The following FLOT2 variants were observed in gnomAD, a reference collection of about 807,000 sequenced individuals.
FLOT2 encodes flotillin-2.
A neutral mutation model predicts 54.9 loss-of-function variants in FLOT2; 35 were observed. The observed-to-expected ratio is 0.64, with a 90% confidence interval of 0.49 to 0.84. The LOEUF is 0.84. Among genes scored for constraint, FLOT2 ranks in the 40% least tolerant of loss-of-function variants. The pLI is 0.00. For synonymous variants in FLOT2, 207 were observed against 228.9 expected, an observed-to-expected ratio of 0.90 and a Z score of 0.86; for missense variants, 464 against 572.1, an observed-to-expected ratio of 0.81 and a Z score of 1.93.
rs2039450564 is a variant in FLOT2, at chr17:28,881,686, CAGTG to C, written c.914+124_914+127del. The C allele has an allele frequency of 4.9e-5, 41 of 843,998 alleles. 1 individual carries two copies. The South Asian group carries it at 6.2e-4, about 13-fold the overall frequency. 52.3% of individuals were successfully genotyped at this position (843,998 alleles called of 1,614,324 possible). ...GGGACATGGGGTTATCCTCACTTCA[CAGTG>C]AGTAAGAAGACACAGTGGAGGGGGA... On this transcript the variant is annotated intron_variant, in intron 8 of 10. Coordinates refer to ENST00000394908, the MANE Select transcript of FLOT2 (RefSeq NM_004475.3).
chr17:28,883,120 G>A lies in FLOT2; in HGVS notation c.334C>T (p.Arg112Cys). Residue 112 changes from arginine (R) to cysteine (C), a missense_variant, in exon 4 of 11, where the codon CGC (arginine) becomes TGC (cysteine). Arg to Cys is a radical substitution (Grantham distance 180). Coordinates refer to ENST00000394908, the MANE Select transcript of FLOT2 (RefSeq NM_004475.3). The surrounding 1 kb of genome is among the most constrained non-coding windows in gnomAD (Gnocchi z 5.0). ...VVLQTLEGHLRSILGTLTVEQ... is the reference protein window; with the variant it reads ...VVLQTLEGHLCSILGTLTVEQ... ...AACAGGGCCTCACCGAGGATGGAGCGCAGATGTCCCTCCAGGGTCTGCAGG... is the reference window on the plus strand; with the variant it reads ...AACAGGGCCTCACCGAGGATGGAGCACAGATGTCCCTCCAGGGTCTGCAGG... 1.9e-6 allele frequency: 3 copies of A among 1,614,086 alleles called. No individual in the cohort carries two copies. The highest frequency in any genetic ancestry group is 2.5e-6 in the Non-Finnish European group (3 of 1,180,004).
At chr17:28,885,507 C>T in intron 2 of FLOT2, 2 of 698,376 alleles carry the variant, frequency 2.9e-6, no homozygotes, top group Non-Finnish European at 5.4e-6. Context: ...GGAACCCACA[C>T]ATGACAGAGT....
At position 28,880,807 on chromosome 17, in the gene FLOT2, C is replaced by G. The variant is rs950194689; in HGVS notation, c.1154G>C (p.Ser385Thr). The G allele has an allele frequency of 1.9e-6, 3 of 1,614,172 alleles. No individual in the cohort carries two copies. In the African/African-American group the frequency reaches 4.0e-5, roughly 22 times the overall value. ...LTKVDEIVVLSGDNSKVTSEV... is the reference protein window; with the variant it reads ...LTKVDEIVVLTGDNSKVTSEV... Reference sequence around the variant, plus strand: ...TGATGTGACCTTACTGTTGTCTCCACTGAGGACCACAATCTCATCGACCTT... The same window carrying G: ...TGATGTGACCTTACTGTTGTCTCCAGTGAGGACCACAATCTCATCGACCTT... Residue 385 changes from serine to threonine, a missense_variant, in exon 10 of 11, where the codon AGT (serine) becomes ACT (threonine). By Grantham distance (58) the Ser-to-Thr change is moderately conservative. Coordinates refer to ENST00000394908, the MANE Select transcript of FLOT2 (RefSeq NM_004475.3).
chr17:28,891,277 G>A (rs528013767), intron 1 of FLOT2, among the ~76,000 whole-genome samples: 1 of 152,322 alleles, frequency 6.6e-6, no homozygotes, highest in East Asian at 1.9e-4. Flanking sequence ...GGGTCTGGGG[G>A]AGTTTCATGC....
Position 28,884,351 on chromosome 17 carries a change from G to A in FLOT2, c.132-36C>T. ...ACGCAAAACAGGGGCATGGGTCTGG[G>A]GGCGCAGGGCCTGGTGGTGTTGGGA... is the stretch of plus-strand genomic sequence containing the variant. On this transcript the variant is annotated intron_variant, in intron 2 of 10. Coordinates refer to ENST00000394908, the MANE Select transcript of FLOT2 (RefSeq NM_004475.3). This position sits in a 1 kb window ranked among gnomAD's most constrained non-coding sequence, Gnocchi z 5.1. The A allele has an allele frequency of 7.1e-7, 1 of 1,401,758 alleles. No homozygotes were observed. Among genetic ancestry groups the A allele is most frequent in the Non-Finnish European group, 1.0e-6 (1 of 999,946 alleles). 86.8% of individuals were successfully genotyped at this position (1,401,758 alleles called of 1,614,324 possible).
intron 1 of FLOT2, chr17:28,893,436 A>G (rs2039687534): frequency 7.3e-6 from 1 of 136,252 alleles, no homozygotes; most frequent in Non-Finnish European, 1.5e-5. Flanking sequence ...TTTTTGAGAC[A>G]GTATTGTGCT....
chr17:28,880,296 G>T lies in FLOT2; in HGVS notation c.*265C>A. The T allele has an allele frequency of 7.3e-7, 1 of 1,360,922 alleles. No individual in the cohort carries two copies. The highest frequency in any genetic ancestry group is 9.5e-7 in the Non-Finnish European group (1 of 1,057,340). 84.3% of individuals were successfully genotyped at this position (1,360,922 alleles called of 1,614,324 possible). On this transcript the variant is annotated 3_prime_UTR_variant, in exon 11 of 11. Transcript: ENST00000394908. The stretch of plus-strand genomic sequence containing the variant: ...ATGATGTGCATGGGGGAAAGAAAAA[G>T]ACAGACAAAGGAAAAGACACGCAGG...
chr17:28,892,170 G>C (rs1371362235), intron 1 of FLOT2, among the ~76,000 whole-genome samples: 1 of 152,116 alleles, frequency 6.6e-6, no homozygotes, highest in East Asian at 1.9e-4. Context: ...AACCATCTCA[G>C]GATCAAGTGA....
At position 28,882,199 on chromosome 17, in the gene FLOT2, G is replaced by A; in HGVS notation, c.618C>T (p.Phe206=). The A allele has an allele frequency of 6.2e-7, 1 of 1,614,188 alleles. No homozygotes were observed. The highest frequency in any genetic ancestry group is 8.5e-7 in the Non-Finnish European group (1 of 1,180,030). Residue 206 remains phenylalanine (F), a synonymous_variant, in exon 7 of 11, where the codon TTC becomes TTT. Coordinates refer to ENST00000394908, the MANE Select transcript of FLOT2 (RefSeq NM_004475.3). This position sits in a 1 kb window ranked among gnomAD's most constrained non-coding sequence, Gnocchi z 5.6. ...AGTCAGCAATCTTGGTGTCTGCCAT[G>A]AACTTCACATCCAGCATCTCCTTCT... The part of the protein sequence containing the change: ...ECKKEMLDVK[F]MADTKIADSK...
chr17:28,885,749 A>G (rs1465042103), intron 2 of FLOT2: 1 of 751,646 alleles, frequency 1.3e-6, no homozygotes, highest in Admixed American at 2.0e-5. Flanking sequence ...GAGGAGAGGG[A>G]GGAAGGCACG....
intron 2 of FLOT2, chr17:28,885,804 A>C: frequency 2.4e-6 from 3 of 1,240,418 alleles, no homozygotes; most frequent in Non-Finnish European, 3.5e-6. Flanking sequence ...CAGGCCCCGC[A>C]GGGCAGGAAG....
In FLOT2 at chr17:28,879,782, T is replaced by G; in HGVS notation, c.*779A>C. ...GGGCTAGACCCTCATCTCAGAAAAC[T>G]TAGCAGAGTTGGGACCAAACCGCAC... On this transcript the variant is annotated 3_prime_UTR_variant, in exon 11 of 11. Coordinates refer to ENST00000394908, the MANE Select transcript of FLOT2 (RefSeq NM_004475.3). The G allele has an allele frequency of 1.0e-6, 1 of 986,114 alleles. No homozygotes were observed. Among genetic ancestry groups the G allele is most frequent in the Non-Finnish European group, 1.2e-6 (1 of 830,174 alleles). 61.1% of individuals were successfully genotyped at this position (986,114 alleles called of 1,614,324 possible). A position where few individuals can be genotyped will look rare whatever the true frequency, so the allele number is the denominator to read the frequency against.
Position 28,881,350 on chromosome 17 carries a change from C to A in FLOT2, c.940G>T (p.Ala314Ser). The A allele has an allele frequency of 6.2e-7, 1 of 1,612,894 alleles. No homozygotes were observed. Among genetic ancestry groups the A allele is most frequent in the South Asian group, 1.1e-5 (1 of 91,092 alleles). ...EKVKQVLLAQ[A>S]EAEKIRKIGE... ...ATTTTGCGGATCTTCTCAGCCTCTG[C>A]CTGTGCCAAGAGGACCTGCTTCACC... is the stretch of plus-strand genomic sequence containing the variant. The change falls in exon 9 of 11, where the codon GCA becomes TCA. Residue 314 changes from alanine (A) to serine (S), a missense_variant. Coordinates refer to ENST00000394908, the MANE Select transcript of FLOT2 (RefSeq NM_004475.3).
rs780002425 is a variant in FLOT2 at position 28,881,879 on chromosome 17, G to A, written c.849C>T (p.Ile283=). 1.1e-5 allele frequency: 17 copies of A among 1,613,554 alleles called. No individual in the cohort carries two copies. Among genetic ancestry groups the A allele is most frequent in the African/African-American group, 5.3e-5 (4 of 74,942 alleles). The part of the protein sequence containing the change: ...QEILRTDKEL[I]ATVRRPAEAE... ...CCTCGGCAGGCCGGCGCACTGTAGC[G>A]ATGAGCTCCTTGTCCGTACGCAGGA... The change falls in exon 8 of 11, where the codon ATC becomes ATT. Residue 283 remains isoleucine (I), a synonymous_variant. Transcript: ENST00000394908.
At chr17:28,895,906 G>A (rs1349716247) in intron 1 of FLOT2, among the ~76,000 whole-genome samples, 1 of 152,184 alleles carries the variant, frequency 6.6e-6, no homozygotes, top group African/African-American at 2.4e-5. Context: ...TCTGGTCTTA[G>A]ACACAGGTCC....
Position 28,884,284 on chromosome 17 carries a change from G to T in FLOT2, c.163C>A (p.Arg55Ser). The T allele has an allele frequency of 6.2e-7, 1 of 1,612,854 alleles. No individual in the cohort carries two copies. Among genetic ancestry groups the T allele is most frequent in the Non-Finnish European group, 8.5e-7 (1 of 1,179,418 alleles). Residue 55 changes from arginine to serine, a missense_variant, in exon 3 of 11, where the codon CGC becomes AGC. Arg to Ser is a moderately radical substitution (Grantham distance 110). Coordinates refer to ENST00000394908, the MANE Select transcript of FLOT2 (RefSeq NM_004475.3). This position sits in a 1 kb window ranked among gnomAD's most constrained non-coding sequence, Gnocchi z 5.1. ...ISLEIMTLQP[R>S]CEDVETAEGV... ...TCGGCCGTCTCTACGTCCTCGCAGC[G>T]GGGCTGCAACGTCATAATCTCTAGG... is the stretch of plus-strand genomic sequence containing the variant.
chr17:28,886,067 G>GC, intron 2 of FLOT2: 111 of 579,608 alleles, frequency 1.9e-4, no homozygotes, highest in South Asian at 3.1e-4. Context: ...GCGGGGGGGG[G>GC]CATGCTGTCA....
intron 2 of FLOT2, chr17:28,885,810 G>A: frequency 7.7e-7 from 1 of 1,306,166 alleles, no homozygotes; most frequent in South Asian, 1.3e-5. Flanking sequence ...CCGCAGGGCA[G>A]GAAGAGAGAA....
rs761055985 is a variant in FLOT2, at chr17:28,880,702, C to CAGCT, written c.1248+10_1248+11insAGCT. On this transcript the variant is annotated intron_variant, in intron 10 of 10. Coordinates refer to ENST00000394908, the MANE Select transcript of FLOT2 (RefSeq NM_004475.3). Reference sequence around the variant, plus strand: ...CCTGGGCAACCCCACCGCAGCTAGGCAGGCACATACCTTAGACAGGTCCAC... The same window carrying CAGCT: ...CCTGGGCAACCCCACCGCAGCTAGGCAGCTAGGCACATACCTTAGACAGGTCCAC... 6.2e-7 allele frequency: 1 copy of CAGCT among 1,614,028 alleles called. No individual in the cohort carries two copies.
Sources: gnomAD v4.1 joint callset for allele counts (sites outside exome capture counted in the v4.1 genomes callset) on GRCh38, gnomAD v4.1.1 for gene constraint, Gnocchi (gnomAD v3.1) non-coding constraint, MANE v1.5 for transcripts, NCBI Gene and HGNC (gene_info 2026-07-23, HGNC 2026-07-21) for gene names.